GMNC: variants seen among roughly 807,000 people sequenced by gnomAD.
The protein encoded by GMNC is geminin coiled-coil domain-containing protein 1.
A neutral mutation model predicts 33.6 loss-of-function variants in GMNC; 16 were observed. The observed-to-expected ratio is 0.48, with a 90% confidence interval of 0.32 to 0.72. The LOEUF is 0.72. GMNC is among the 30% of genes least tolerant of loss of function. The pLI is 0.03. For missense variants in GMNC, 393 were observed against 388.9 expected (o/e 1.01, Z -0.09); for synonymous variants, 156 against 147.3 (o/e 1.06, Z -0.43).
In GMNC at chr3:190,855,126, T is replaced by A. The variant is rs1054318369; in HGVS notation, c.*169A>T. ...AGCGCGGACACGTTTCATTATGGAT[T>A]CTTGGAAGCCATTCCCTGCAGATTT... On this transcript the variant is annotated 3_prime_UTR_variant, in exon 5 of 5. Transcript: ENST00000442080. 5 of 677,490 alleles carry A rather than the reference T, an allele frequency of 7.4e-6. No individual in the cohort carries two copies. Among genetic ancestry groups the A allele is most frequent in the Non-Finnish European group, 9.8e-6 (4 of 410,056 alleles). The allele number at this position is 677,490 out of a possible 1,614,324, so 42.0% of individuals were successfully genotyped here.
Position 190,857,577 on chromosome 3 carries a change from A to G in GMNC, c.384+206T>C, listed in dbSNP as rs143268457. On this transcript the variant is annotated intron_variant, in intron 4 of 4. Coordinates refer to ENST00000442080, the MANE Select transcript of GMNC (RefSeq NM_001146686.3). ...ATTTTTAAGCAACTTCTTTTGTAAC[A>G]TAAGACTGACATCTGCAATCTAGGT... is the stretch of plus-strand genomic sequence containing the variant. Among the ~76,000 whole-genome samples, 1,138 of 152,316 alleles carry G rather than the reference A, an allele frequency of 7.5e-3. 16 individuals carry two copies. Among genetic ancestry groups the G allele is most frequent in the African/African-American group, 0.026 (1,073 of 41,576 alleles).
At chr3:190,859,726 T>A (rs185966199) in intron 2 of GMNC, 92 of 385,352 alleles carry the variant, frequency 2.4e-4, no homozygotes, top group African/African-American at 1.8e-3. Flanking sequence ...AATAAAAAAC[T>A]ATGGTTGGGC....
At chr3:190,844,445 A>G in the GMNC span, among the ~76,000 whole-genome samples, 14 of 151,496 alleles carry the variant, frequency 9.2e-5, no homozygotes, top group East Asian at 2.7e-3. Flanking sequence ...AATTTAATAC[A>G]TATTTAATAA....
chr3:190,850,403 C>T (rs1737614471), downstream of GMNC, among the ~76,000 whole-genome samples: 1 of 152,206 alleles, frequency 6.6e-6, no homozygotes, highest in South Asian at 2.1e-4. Context: ...GGCTGAAAAA[C>T]CGGACTGCTG....
the GMNC span, among the ~76,000 whole-genome samples, chr3:190,845,203 A>G: frequency 6.6e-6 from 1 of 152,038 alleles, no homozygotes; most frequent in Admixed American, 6.6e-5. Context: ...TATTTTCAGA[A>G]TTTTCTTGGG....
chr3:190,860,810 A>G lies in GMNC; in HGVS notation c.52T>C (p.Tyr18His). The change falls in exon 2 of 5, where the codon TAT becomes CAT. Residue 18 changes from tyrosine (Y) to histidine (H), a missense_variant. Transcript: ENST00000442080. Reference protein sequence around the residue: ...QDQYFVGGQSYNCPYSTTTSE... With the variant: ...QDQYFVGGQSHNCPYSTTTSE... ...GTTGTAGTGGAATACGGGCAATTATAGCTCTGGCCTCCTACAAAGTACTGG... is the reference window on the plus strand; with the variant it reads ...GTTGTAGTGGAATACGGGCAATTATGGCTCTGGCCTCCTACAAAGTACTGG... The G allele has an allele frequency of 6.4e-7, 1 of 1,551,474 alleles. No individual in the cohort carries two copies. The highest frequency in any genetic ancestry group is 8.7e-7 in the Non-Finnish European group (1 of 1,146,896).
In GMNC at chr3:190,855,223, G is replaced by A; in HGVS notation, c.*72C>T. The A allele has an allele frequency of 6.9e-7, 1 of 1,439,692 alleles. No individual in the cohort carries two copies. Among genetic ancestry groups the A allele is most frequent in the East Asian group, 2.5e-5 (1 of 40,190 alleles). The allele number at this position is 1,439,692 out of a possible 1,614,324, so 89.2% of individuals were successfully genotyped here. A position where few individuals can be genotyped will look rare whatever the true frequency, so the allele number is the denominator to read the frequency against. On this transcript the variant is annotated 3_prime_UTR_variant, in exon 5 of 5. Coordinates refer to ENST00000442080, the MANE Select transcript of GMNC (RefSeq NM_001146686.3). ...AGCAACAGCTTCTGTGTTCCACATA[G>A]TCAAATTCAAGTGCAAGAGAGGTCT...
rs1252789764 is a variant in GMNC, at chr3:190,855,606, C to G, written c.694G>C (p.Asp232His). ...TCCTCTCTGGGGATATTTTTATAAT[C>G]AACTGCATCATCCGGAAACTGGGAA... ...TFSQFPDDAV[D>H]YKNIPREDMP... Residue 232 changes from aspartate to histidine, a missense_variant, in exon 5 of 5, where the codon GAT (aspartate) becomes CAT (histidine). Transcript: ENST00000442080. The G allele has an allele frequency of 1.7e-5, 27 of 1,551,446 alleles. No homozygotes were observed. In the Admixed American group the frequency reaches 2.4e-4, roughly 14 times the overall value.
At chr3:190,844,191 C>A in the GMNC span, among the ~76,000 whole-genome samples, 92 of 152,180 alleles carry the variant, frequency 6.0e-4, no homozygotes, top group African/African-American at 2.2e-3. Flanking sequence ...ACCACCATGA[C>A]TTCTGGTAAT....
At chr3:190,858,389 C>A (rs1553787284) in intron 3 of GMNC, among the ~76,000 whole-genome samples, 1 of 152,028 alleles carries the variant, frequency 6.6e-6, no homozygotes, top group Non-Finnish European at 1.5e-5. Flanking sequence ...TCCTCCCTTG[C>A]ATGTTTAAAT....
Position 190,861,183 on chromosome 3 carries a change from G to A in GMNC, c.4-325C>T, listed in dbSNP as rs982928134. ...ACCAGCCCATCTAATAGTCTACCCA[G>A]ATCTAAATAAAGGGAATTCTACTTA... is the stretch of plus-strand genomic sequence containing the variant. On this transcript the variant is annotated intron_variant, in intron 1 of 4. Coordinates refer to ENST00000442080, the MANE Select transcript of GMNC (RefSeq NM_001146686.3). This position sits in a 1 kb window ranked among gnomAD's most constrained non-coding sequence, Gnocchi z 5.1. Among the ~76,000 whole-genome samples, 3 of 152,084 alleles carry A rather than the reference G, an allele frequency of 2.0e-5. No homozygotes were observed. Among genetic ancestry groups the A allele is most frequent in the African/African-American group, 7.2e-5 (3 of 41,414 alleles).
the GMNC span, among the ~76,000 whole-genome samples, chr3:190,846,274 A>C: frequency 6.6e-6 from 1 of 152,112 alleles, no homozygotes; most frequent in Non-Finnish European, 1.5e-5. Flanking sequence ...ATTGGAAGTA[A>C]CCTTCATATG....
At position 190,853,572 on chromosome 3, in the gene GMNC, G is replaced by A. The variant is rs1457608499; in HGVS notation, c.*1723C>T. ...ACCAAAATAAAGCAACAACCAAACA[G>A]AAACAACAATGAAAGGCATGTCTCT... On this transcript the variant is annotated 3_prime_UTR_variant, in exon 5 of 5. Transcript: ENST00000442080. 1.3e-5 allele frequency: 2 copies of A among 151,812 alleles called. No individual in the cohort carries two copies. The highest frequency in any genetic ancestry group is 4.8e-5 in the African/African-American group (2 of 41,326). 9.4% of individuals were successfully genotyped at this position (151,812 alleles called of 1,614,324 possible). A position where few individuals can be genotyped will look rare whatever the true frequency, so the allele number is the denominator to read the frequency against.
At chr3:190,846,010 C>T in the GMNC span, among the ~76,000 whole-genome samples, 4 of 152,026 alleles carry the variant, frequency 2.6e-5, no homozygotes, top group African/African-American at 7.2e-5. Context: ...GGTGAATTGC[C>T]TGAGCTCAGG....
Position 190,862,366 on chromosome 3 carries a change from G to C in GMNC, c.3+247C>G, listed in dbSNP as rs1053285116. Among the ~76,000 whole-genome samples, 5 of 144,428 alleles carry C rather than the reference G, an allele frequency of 3.5e-5. No homozygotes were observed. Among genetic ancestry groups the C allele is most frequent in the East Asian group, 2.2e-4 (1 of 4,624 alleles). The allele number at this position is 144,428 out of a possible 152,430, so 94.8% of individuals were successfully genotyped here. A position where few individuals can be genotyped will look rare whatever the true frequency, so the allele number is the denominator to read the frequency against. ...AAGGAAAGTAGTAATAACAGAAAGA[G>C]AGAGAGAGGGCGAGAGAGAGAAAGG... On this transcript the variant is annotated intron_variant, in intron 1 of 4. Transcript: ENST00000442080. This position sits in a 1 kb window ranked among gnomAD's most constrained non-coding sequence, Gnocchi z 4.5.
chr3:190,862,603 C>G lies in GMNC; in HGVS notation c.3+10G>C, dbSNP rs1737897215. 7.7e-6 allele frequency: 12 copies of G among 1,550,782 alleles called. No homozygotes were observed. Among genetic ancestry groups the G allele is most frequent in the Non-Finnish European group, 1.0e-5 (12 of 1,145,712 alleles). On this transcript the variant is annotated intron_variant, in intron 1 of 4. Transcript: ENST00000442080. This position sits in a 1 kb window ranked among gnomAD's most constrained non-coding sequence, Gnocchi z 4.5. ...GCCAGCGGACTAGCTAACGCCAGTTCCTCACTTACCATCTTGCAGTGGAAG... is the reference window on the plus strand; with the variant it reads ...GCCAGCGGACTAGCTAACGCCAGTTGCTCACTTACCATCTTGCAGTGGAAG...
chr3:190,862,377 CGA>C lies in GMNC; in HGVS notation c.3+234_3+235del, dbSNP rs889984976. Among the ~76,000 whole-genome samples the C allele has an allele frequency of 9.4e-6, 1 of 106,214 alleles. No homozygotes were observed. The allele number at this position is 106,214 out of a possible 152,430, so 69.7% of individuals were successfully genotyped here. On this transcript the variant is annotated intron_variant, in intron 1 of 4. Coordinates refer to ENST00000442080, the MANE Select transcript of GMNC (RefSeq NM_001146686.3). The surrounding 1 kb of genome is among the most constrained non-coding windows in gnomAD (Gnocchi z 4.5). ...TAATAACAGAAAGAGAGAGAGAGGG[CGA>C]GAGAGAGAAAGGAGAGAAAGAAGAG... is the stretch of plus-strand genomic sequence containing the variant.
Position 190,855,218 on chromosome 3 carries a change from A to C in GMNC, c.*77T>G, listed in dbSNP as rs1239671478. ...GTCTAAGCAACAGCTTCTGTGTTCC[A>C]CATAGTCAAATTCAAGTGCAAGAGA... On this transcript the variant is annotated 3_prime_UTR_variant, in exon 5 of 5. Transcript: ENST00000442080. 1 of 1,409,436 alleles carries C rather than the reference A, an allele frequency of 7.1e-7. No homozygotes were observed. Among genetic ancestry groups the C allele is most frequent in the East Asian group, 2.5e-5 (1 of 40,020 alleles). The allele number at this position is 1,409,436 out of a possible 1,614,324, so 87.3% of individuals were successfully genotyped here. A position where few individuals can be genotyped will look rare whatever the true frequency, so the allele number is the denominator to read the frequency against.
At chr3:190,849,986 A>G (rs1024067103), downstream of GMNC, among the ~76,000 whole-genome samples, 4 of 152,232 alleles carry the variant, frequency 2.6e-5, no homozygotes, top group Admixed American at 6.5e-5. Context: ...TATTAGTAAC[A>G]GTAATTGAGA....
Sources: allele counts gnomAD v4.1 joint callset (sites outside exome capture counted in the v4.1 genomes callset), GRCh38; gene constraint gnomAD v4.1.1; non-coding constraint Gnocchi (gnomAD v3.1); transcripts MANE v1.5; gene names NCBI Gene and HGNC (gene_info 2026-07-23, HGNC 2026-07-21).